Variants in ALDH5A1 observed in about 807,000 individuals in gnomAD.
The protein encoded by ALDH5A1 is aldehyde dehydrogenase 5 family member A1.
ALDH5A1 carries 33 observed loss-of-function variants against 54.7 expected under a neutral mutation model. The observed-to-expected ratio is 0.60, with a 90% CI of 0.46 to 0.81. ALDH5A1 has a LOEUF of 0.81. ALDH5A1 is among the 30% of genes least tolerant of loss of function. The probability of loss-of-function intolerance (pLI) is 0.00; values close to 1 mark genes in which losing one functional copy is unlikely to be tolerated. For missense variants in ALDH5A1, 657 were observed against 711.0 expected, an observed-to-expected ratio of 0.92 and a Z score of 0.86; for synonymous variants, 294 against 292.7, an observed-to-expected ratio of 1.00 and a Z score of -0.05.
chr6:24,512,160 G>A lies in ALDH5A1; in HGVS notation c.727-3007G>A, dbSNP rs552429710. Reference sequence around the variant, plus strand: ...TCCAGGCTGCTACTGAGGGTTGTCCGCACAGAGTCCTGTGATGTGAACCAT... The same window carrying A: ...TCCAGGCTGCTACTGAGGGTTGTCCACACAGAGTCCTGTGATGTGAACCAT... On this transcript the variant is annotated intron_variant, in intron 4 of 9. Coordinates refer to ENST00000357578, the MANE Select transcript of ALDH5A1 (RefSeq NM_001080.3). 8.5e-5 allele frequency among the ~76,000 whole-genome samples: 13 copies of A among 152,308 alleles called. No homozygotes were observed. The South Asian group carries it at 2.3e-3, about 27-fold the overall frequency.
At position 24,520,355 on chromosome 6, in the gene ALDH5A1, T is replaced by C. The variant is rs143896600; in HGVS notation, c.871-46T>C. The C allele has an allele frequency of 2.2e-5, 36 of 1,611,940 alleles. No homozygotes were observed. In the Middle Eastern group the frequency reaches 5.7e-4, roughly 26 times the overall value. ...TTTTTAAACAAAGGCTTAACAATCC[T>C]GGTAATGGATTTCTGTGCTCACAGC... On this transcript the variant is annotated intron_variant, in intron 5 of 9. Coordinates refer to ENST00000357578, the MANE Select transcript of ALDH5A1 (RefSeq NM_001080.3).
intron 5 of ALDH5A1, among the ~76,000 whole-genome samples, chr6:24,516,440 C>CAAAAA (rs34722994): frequency 1.4e-5 from 1 of 70,100 alleles, no homozygotes; most frequent in African/African-American, 5.7e-5. Context: ...GACTCTGTCT[C>CAAAAA]AAAAAAAAAA....
At chr6:24,521,868 T>A (rs1172140170) in intron 6 of ALDH5A1, among the ~76,000 whole-genome samples, 1 of 142,108 alleles carries the variant, frequency 7.0e-6, no homozygotes, top group East Asian at 2.1e-4. Context: ...TTTTTTTTTT[T>A]TTTTTTTTTT....
Position 24,495,007 on chromosome 6 carries a change from G to C in ALDH5A1, c.11G>C (p.Cys4Ser). The C allele has an allele frequency of 3.8e-6, 5 of 1,325,140 alleles. No homozygotes were observed. The highest frequency in any genetic ancestry group is 3.8e-6 in the Non-Finnish European group (4 of 1,040,440). 82.1% of individuals were successfully genotyped at this position (1,325,140 alleles called of 1,614,324 possible). ...GTCGTTGCCCGGGCCATGGCGACCT[G>C]CATTTGGCTGCGGAGCTGTGGGGCC... MAT[C>S]IWLRSCGARR... The change falls in exon 1 of 10, where the codon TGC becomes TCC. Residue 4 changes from cysteine (C) to serine (S), a missense_variant. Physicochemically the swap from Cys to Ser is moderately radical, Grantham distance 112 (BLOSUM62 -1). Transcript: ENST00000357578.
chr6:24,502,344 C>A (rs887856547), intron 1 of ALDH5A1, among the ~76,000 whole-genome samples, 179 bp from the exon 2 acceptor site: 3 of 152,116 alleles, frequency 2.0e-5, no homozygotes, highest in Non-Finnish European at 4.4e-5. Context: ...CGGACATACC[C>A]AGAAATGATG....
chr6:24,535,171 T>C lies in ALDH5A1; in HGVS notation c.*1459T>C, dbSNP rs1760022002. The C allele has an allele frequency of 6.6e-6, 1 of 152,200 alleles. No homozygotes were observed. The highest frequency in any genetic ancestry group is 6.5e-5 in the Admixed American group (1 of 15,288). 9.4% of individuals were successfully genotyped at this position (152,200 alleles called of 1,614,324 possible). ...CTGGGTTGTGGAAGGAAAATGTGAA[T>C]GAAAGTAGTGCTGGATGCAATTACT... On this transcript the variant is annotated 3_prime_UTR_variant, in exon 10 of 10. Transcript: ENST00000357578.
At chr6:24,508,622 T>C (rs1759406815) in intron 4 of ALDH5A1, among the ~76,000 whole-genome samples, 2 of 147,604 alleles carry the variant, frequency 1.4e-5, no homozygotes, top group Non-Finnish European at 3.0e-5. Context: ...TCTTTTCCTC[T>C]GGGTAGATAC....
intron 7 of ALDH5A1, 48 bp from the exon 8 acceptor site, chr6:24,527,949 T>C (rs1759851958): frequency 1.2e-6 from 2 of 1,606,626 alleles, no homozygotes; most frequent in Non-Finnish European, 1.7e-6. Context: ...TTAAACATTC[T>C]AAAAGATTGT....
At chr6:24,502,160 C>T (rs1390770327) in intron 1 of ALDH5A1, among the ~76,000 whole-genome samples, 5 of 152,098 alleles carry the variant, frequency 3.3e-5, no homozygotes, top group African/African-American at 1.2e-4. Flanking sequence ...TGGTGTCTGA[C>T]AACAGGAGGA....
At position 24,533,691 on chromosome 6, in the gene ALDH5A1, TG is replaced by T; in HGVS notation, c.1588del (p.Val530CysfsTer16). ...TTGATGAGTATCTGGAACTCAAGTA[TG>T]TGTGTTACGGGGGCTTGTAGGATTC... ...GIDEYLELKY[V>X]CYGGL On this transcript the variant is annotated frameshift_variant, in exon 10 of 10. Coordinates refer to ENST00000357578, the MANE Select transcript of ALDH5A1 (RefSeq NM_001080.3). LOFTEE classifies it high-confidence loss of function. 6.2e-7 allele frequency: 1 copy of T among 1,614,132 alleles called. No homozygotes were observed. Among genetic ancestry groups the T allele is most frequent in the Non-Finnish European group, 8.5e-7 (1 of 1,180,028 alleles).
rs9461033 is a variant in ALDH5A1 at position 24,510,516 on chromosome 6, A to G, written c.727-4651A>G. ...ACATGCATATATATTTAGGATTGTGATATTTTCCTGTTGAACGAGGCCTTT... is the reference window on the plus strand; with the variant it reads ...ACATGCATATATATTTAGGATTGTGGTATTTTCCTGTTGAACGAGGCCTTT... On this transcript the variant is annotated intron_variant, in intron 4 of 9. Coordinates refer to ENST00000357578, the MANE Select transcript of ALDH5A1 (RefSeq NM_001080.3). Among the ~76,000 whole-genome samples the G allele has an allele frequency of 1.1e-3, 160 of 152,268 alleles. 1 individual carries two copies. Among genetic ancestry groups the G allele is most frequent in the African/African-American group, 3.6e-3 (148 of 41,546 alleles).
In ALDH5A1 at chr6:24,536,236, T is replaced by A. The variant is rs1760046362; in HGVS notation, c.*2524T>A. Reference sequence around the variant, plus strand: ...TATGGCCCACGAATCAAACCTGGCCTGCCACCTGTTTTTATACAACCTGTG... The same window carrying A: ...TATGGCCCACGAATCAAACCTGGCCAGCCACCTGTTTTTATACAACCTGTG... On this transcript the variant is annotated 3_prime_UTR_variant, in exon 10 of 10. Coordinates refer to ENST00000357578, the MANE Select transcript of ALDH5A1 (RefSeq NM_001080.3). The A allele has an allele frequency of 6.6e-6, 1 of 152,256 alleles. No homozygotes were observed. The highest frequency in any genetic ancestry group is 6.5e-5 in the Admixed American group (1 of 15,292). The allele number at this position is 152,256 out of a possible 1,614,324, so 9.4% of individuals were successfully genotyped here. A position where few individuals can be genotyped will look rare whatever the true frequency, so the allele number is the denominator to read the frequency against.
chr6:24,497,767 G>T (rs1171791066), intron 1 of ALDH5A1, among the ~76,000 whole-genome samples: 1 of 152,164 alleles, frequency 6.6e-6, no homozygotes, highest in Non-Finnish European at 1.5e-5. Flanking sequence ...GGTGGAACAT[G>T]TAGGACCTGT....
In ALDH5A1 at chr6:24,533,584, G is replaced by A. The variant is rs374232934; in HGVS notation, c.1480G>A (p.Glu494Lys). The A allele has an allele frequency of 3.3e-5, 53 of 1,614,048 alleles. No individual in the cohort carries two copies. The highest frequency in any genetic ancestry group is 2.7e-4 in the East Asian group (12 of 44,894). The stretch of plus-strand genomic sequence containing the variant: ...GGAAGTGGGCATGGTTGGCGTCAAC[G>A]AAGGATTAATTTCCTCTGTGGAGTG... ...QLEVGMVGVN[E>K]GLISSVECPF... Residue 494 changes from glutamate to lysine, a missense_variant, in exon 10 of 10, where the codon GAA becomes AAA. This residue lies in a region of ALDH5A1 where 425 missense variants were observed against 516.4 expected (regional missense o/e 0.82). Transcript: ENST00000357578.
chr6:24,517,510 G>C (rs1003295319), intron 5 of ALDH5A1, among the ~76,000 whole-genome samples: 2 of 152,238 alleles, frequency 1.3e-5, no homozygotes, highest in Admixed American at 1.3e-4. Flanking sequence ...CTACGAAGTA[G>C]TTAGAAAGAA....
chr6:24,515,102 C>CTTTTTTTTTTTTTTTTTTTTTTT lies in ALDH5A1; in HGVS notation c.727-46_727-45insTTTTTTTTTTTTTTTTTTTTTTT. The CTTTTTTTTTTTTTTTTTTTTTTT allele has an allele frequency of 2.3e-5, 21 of 927,262 alleles. 1 individual carries two copies. The highest frequency in any genetic ancestry group is 1.4e-4 in the East Asian group (4 of 28,742). The allele number at this position is 927,262 out of a possible 1,614,324, so 57.4% of individuals were successfully genotyped here. On this transcript the variant is annotated intron_variant, in intron 4 of 9. Transcript: ENST00000357578. Reference sequence around the variant, plus strand: ...TTAAGTATCTATTTATTTCTCTTTTCTTTTTTTTTTTTTTTTTTTCAGTTT... The same window carrying CTTTTTTTTTTTTTTTTTTTTTTT: ...TTAAGTATCTATTTATTTCTCTTTTCTTTTTTTTTTTTTTTTTTTTTTTTTTTTTTTTTTTTTTTTTTCAGTTT...
In ALDH5A1 at chr6:24,533,588, G is replaced by C. The variant is rs1423721238; in HGVS notation, c.1484G>C (p.Gly495Ala). Reference sequence around the variant, plus strand: ...GTGGGCATGGTTGGCGTCAACGAAGGATTAATTTCCTCTGTGGAGTGCCCT... The same window carrying C: ...GTGGGCATGGTTGGCGTCAACGAAGCATTAATTTCCTCTGTGGAGTGCCCT... The part of the protein sequence containing the change: ...LEVGMVGVNE[G>A]LISSVECPFG... Residue 495 changes from glycine to alanine, a missense_variant, in exon 10 of 10, where the codon GGA becomes GCA. Gly to Ala is a moderately conservative substitution (Grantham distance 60). This residue lies in a region of ALDH5A1 where 425 missense variants were observed against 516.4 expected (regional missense o/e 0.82). Coordinates refer to ENST00000357578, the MANE Select transcript of ALDH5A1 (RefSeq NM_001080.3). The C allele has an allele frequency of 3.1e-6, 5 of 1,614,162 alleles. No homozygotes were observed. Among genetic ancestry groups the C allele is most frequent in the Non-Finnish European group, 4.2e-6 (5 of 1,180,034 alleles).
At chr6:24,508,266 G>A (rs1473627577) in intron 4 of ALDH5A1, among the ~76,000 whole-genome samples, 2 of 149,626 alleles carry the variant, frequency 1.3e-5, no homozygotes, top group Non-Finnish European at 2.9e-5. Context: ...GGGAGGCTGA[G>A]GCAGGAGAAT....
At chr6:24,497,653 A>G (rs1376042549) in intron 1 of ALDH5A1, among the ~76,000 whole-genome samples, 3 of 152,192 alleles carry the variant, frequency 2.0e-5, no homozygotes, top group Non-Finnish European at 4.4e-5. Flanking sequence ...GAGCCAAAGT[A>G]GAAGCATGGC....
Sources: allele counts gnomAD v4.1 joint callset (sites outside exome capture counted in the v4.1 genomes callset), GRCh38; gene constraint gnomAD v4.1.1; regional missense constraint gnomAD v4.1.1; transcripts MANE v1.5; gene names NCBI Gene and HGNC (gene_info 2026-07-23, HGNC 2026-07-21).